Variants in PGS1 observed in about 807,000 individuals in gnomAD.
PGS1 encodes the protein CDP-diacylglycerol--glycerol-3-phosphate 3-phosphatidyltransferase, mitochondrial.
Under a neutral mutation model 58.3 loss-of-function variants are expected in PGS1, and 44 were observed. The ratio of observed to expected loss-of-function variants is 0.75; its 90% confidence interval spans 0.59 to 0.97. The LOEUF (loss-of-function observed/expected upper bound fraction) is 0.97. Among genes scored for constraint, PGS1 ranks in the 50% least tolerant of loss-of-function variants. The pLI is 0.00. For synonymous variants in PGS1, 330 were observed against 311.0 expected (o/e 1.06, Z -0.64); for missense variants, 684 against 731.1 (o/e 0.94, Z 0.74).
chr17:78,378,918 C>A, intron 1 of PGS1, 110 bp downstream of exon 1: 2 of 1,196,800 alleles, frequency 1.7e-6, no homozygotes, highest in Non-Finnish European at 2.2e-6. Context: ...AGTCCCTCCC[C>A]GGTTTCCGGG....
At chr17:78,388,910 G>A (rs2082598359) in intron 1 of PGS1, among the ~76,000 whole-genome samples, 1 of 152,116 alleles carries the variant, frequency 6.6e-6, no homozygotes, top group Non-Finnish European at 1.5e-5. Context: ...GTTGTGGGAG[G>A]CAGAGACTGC....
At chr17:78,396,857 T>C (rs1289835614) in intron 3 of PGS1, among the ~76,000 whole-genome samples, 1 of 152,266 alleles carries the variant, frequency 6.6e-6, no homozygotes, top group African/African-American at 2.4e-5. Flanking sequence ...CTCATTCATT[T>C]GTGTATTGTC....
chr17:78,418,304 G>C (rs1540773), intron 8 of PGS1, among the ~76,000 whole-genome samples: 1 of 151,956 alleles, frequency 6.6e-6, no homozygotes, highest in Non-Finnish European at 1.5e-5. Context: ...TAAGAAAAAC[G>C]GAAAGAAACT....
In PGS1 at chr17:78,400,789, G is replaced by A; in HGVS notation, c.814G>A (p.Val272Met). Reference protein sequence around the residue: ...FTELVDAVGDVSLQLQGDDTV... With the variant: ...FTELVDAVGDMSLQLQGDDTV... ...GGAGCTGGTGGACGCGGTGGGGGAT[G>A]TGTCCCTGCAGCTGCAGGGGGACGA... Residue 272 changes from valine (V) to methionine (M), a missense_variant, in exon 6 of 10, where the codon GTG (valine) becomes ATG (methionine). Coordinates refer to ENST00000262764, the MANE Select transcript of PGS1 (RefSeq NM_024419.5). This position sits in a 1 kb window ranked among gnomAD's most constrained non-coding sequence, Gnocchi z 4.4. 6.2e-7 allele frequency: 1 copy of A among 1,613,952 alleles called. No homozygotes were observed.
At chr17:78,411,222 A>T (rs938347) in intron 7 of PGS1, among the ~76,000 whole-genome samples, 2 of 152,158 alleles carry the variant, frequency 1.3e-5, no homozygotes, top group Non-Finnish European at 1.5e-5. Context: ...CAGCAGGGGC[A>T]CTGGGAGTGG....
At position 78,419,670 on chromosome 17, in the gene PGS1, A is replaced by C; in HGVS notation, c.*5A>C. 6.2e-7 allele frequency: 1 copy of C among 1,613,820 alleles called. No homozygotes were observed. Among genetic ancestry groups the C allele is most frequent in the Middle Eastern group, 1.6e-4 (1 of 6,062 alleles). On this transcript the variant is annotated 3_prime_UTR_variant, in exon 9 of 10. Transcript: ENST00000262764. The stretch of plus-strand genomic sequence containing the variant: ...CTGATCAAGAACTTCTTCTGAGGAC[A>C]GACAGGTGCTGTCTCTAGCATCACC...
chr17:78,391,439 C>G (rs2082821877), intron 1 of PGS1, among the ~76,000 whole-genome samples: 1 of 152,172 alleles, frequency 6.6e-6, no homozygotes, highest in African/African-American at 2.4e-5. Context: ...CCTGCCTCAG[C>G]CTCTTGAGTA....
chr17:78,399,524 G>A lies in PGS1; in HGVS notation c.688G>A (p.Val230Ile), dbSNP rs1469040216. 10 of 1,614,132 alleles carry A rather than the reference G, an allele frequency of 6.2e-6. No homozygotes were observed. The highest frequency in any genetic ancestry group is 4.5e-5 in the East Asian group (2 of 44,884). The change falls in exon 5 of 10, where the codon GTC becomes ATC. Residue 230 changes from valine (V) to isoleucine (I), a missense_variant. Transcript: ENST00000262764. ...HIKVYLFDNS[V>I]ILSGANLSDS... ...TAAGGTGTACCTCTTCGACAACAGC[G>A]TCATCTTGAGCGGGTGAGTGCTTCC...
At chr17:78,379,244 G>A (rs553968691) in intron 1 of PGS1, among the ~76,000 whole-genome samples, 75 of 152,296 alleles carry the variant, frequency 4.9e-4, no homozygotes, top group African/African-American at 1.7e-3. Context: ...CCTTAGGTAA[G>A]CCTGGCTGTG....
rs1288430908 is a variant in PGS1, at chr17:78,417,129, A to C, written c.1551+2102A>C. Among the ~76,000 whole-genome samples, 5 of 152,234 alleles carry C rather than the reference A, an allele frequency of 3.3e-5. No homozygotes were observed. The South Asian group carries it at 1.0e-3, about 31-fold the overall frequency. On this transcript the variant is annotated intron_variant, in intron 8 of 9. Transcript: ENST00000262764. ...AACACAGTTTACCACTTGTGACCCA[A>C]GAAAGACTCCCTCGAACAGCGTCGT... is the stretch of plus-strand genomic sequence containing the variant.
chr17:78,415,169 C>T, intron 8 of PGS1, 142 bp downstream of exon 8: 1 of 933,204 alleles, frequency 1.1e-6, no homozygotes, highest in Non-Finnish European at 1.6e-6. Flanking sequence ...GACTCTGGGT[C>T]TCCAAGAGTG....
rs959182888 is a variant in PGS1 at position 78,424,238 on chromosome 17, C to T, written c.*188C>T. 6.7e-7 allele frequency: 1 copy of T among 1,493,104 alleles called. No individual in the cohort carries two copies. The highest frequency in any genetic ancestry group is 8.9e-7 in the Non-Finnish European group (1 of 1,119,158). 92.5% of individuals were successfully genotyped at this position (1,493,104 alleles called of 1,614,324 possible). ...CAGGAAGGGTGGGGTCCTCACACTCCCCGCCCTCTGCAGAGCTGGGCTCTA... is the reference window on the plus strand; with the variant it reads ...CAGGAAGGGTGGGGTCCTCACACTCTCCGCCCTCTGCAGAGCTGGGCTCTA... On this transcript the variant is annotated 3_prime_UTR_variant, in exon 10 of 10. Coordinates refer to ENST00000262764, the MANE Select transcript of PGS1 (RefSeq NM_024419.5).
At chr17:78,384,129 A>G (rs933966970) in intron 1 of PGS1, among the ~76,000 whole-genome samples, 2 of 152,228 alleles carry the variant, frequency 1.3e-5, no homozygotes, top group African/African-American at 2.4e-5. Context: ...CTGGCCCCCA[A>G]TGTAATCGAC....
In PGS1 at chr17:78,400,722, C is replaced by T. The variant is rs375954241; in HGVS notation, c.747C>T (p.Tyr249=). 3.5e-5 allele frequency: 57 copies of T among 1,613,862 alleles called. No individual in the cohort carries two copies. The highest frequency in any genetic ancestry group is 3.3e-4 in the Middle Eastern group (2 of 6,084). Residue 249 remains tyrosine (Y), a synonymous_variant, in exon 6 of 10, where the codon TAC becomes TAT. Coordinates refer to ENST00000262764, the MANE Select transcript of PGS1 (RefSeq NM_024419.5). The surrounding 1 kb of genome is among the most constrained non-coding windows in gnomAD (Gnocchi z 4.4). ...DSYFTNRQDR[Y]VFLQDCAEIA... is the part of the protein sequence containing the mutation. Reference sequence around the variant, plus strand: ...ACTTCACCAACCGCCAGGACCGCTACGTGTTCCTGCAGGACTGTGCGGAGA... The same window carrying T: ...ACTTCACCAACCGCCAGGACCGCTATGTGTTCCTGCAGGACTGTGCGGAGA...
chr17:78,393,383 A>G (rs1234998024), intron 2 of PGS1, among the ~76,000 whole-genome samples: 1 of 152,182 alleles, frequency 6.6e-6, no homozygotes, highest in Non-Finnish European at 1.5e-5. Context: ...TTATGGGCGC[A>G]CTGATTCCTT....
chr17:78,380,027 C>A (rs915962790), intron 1 of PGS1, among the ~76,000 whole-genome samples: 3 of 151,802 alleles, frequency 2.0e-5, no homozygotes, highest in South Asian at 4.2e-4. Context: ...CCACCACACC[C>A]GGCTAATTTT....
At chr17:78,383,679 T>G (rs1050606594) in intron 1 of PGS1, among the ~76,000 whole-genome samples, 1 of 152,240 alleles carries the variant, frequency 6.6e-6, no homozygotes, top group Non-Finnish European at 1.5e-5. Flanking sequence ...TAACCATCTC[T>G]TCGTTTGTTT....
rs551454138 is a variant in PGS1, at chr17:78,414,826, C to G, written c.1403-53C>G. 1.1e-5 allele frequency: 17 copies of G among 1,599,434 alleles called. No individual in the cohort carries two copies. The East Asian group carries it at 2.5e-4, about 23-fold the overall frequency. ...AGATTGCAGCAGCGTGTGGAGAGGA[C>G]TTTGGTAGATGCTGTGCTCATTTCC... On this transcript the variant is annotated intron_variant, in intron 7 of 9. Transcript: ENST00000262764.
At chr17:78,393,918 C>T (rs56245123) in intron 2 of PGS1, among the ~76,000 whole-genome samples, 152,171 of 152,172 alleles carry the variant, frequency 1, 76,085 homozygotes, top group Non-Finnish European at 1. Flanking sequence ...GTGGTGGGGC[C>T]TATGCCTGTA....
Sources: allele counts gnomAD v4.1 joint callset (sites outside exome capture counted in the v4.1 genomes callset), GRCh38; gene constraint gnomAD v4.1.1; non-coding constraint Gnocchi (gnomAD v3.1); transcripts MANE v1.5; gene names NCBI Gene and HGNC (gene_info 2026-07-23, HGNC 2026-07-21).